Variants in SPECC1L observed in about 807,000 individuals in gnomAD.
SPECC1L encodes cytospin-A.
SPECC1L carries 40 observed loss-of-function variants against 116.8 expected under a neutral mutation model. The ratio of observed to expected loss-of-function variants is 0.34; its 90% CI spans 0.27 to 0.45. The LOEUF is 0.45. SPECC1L is among the 20% of genes least tolerant of loss of function. SPECC1L has a pLI of 1.00. For missense variants in SPECC1L, 1,110 were observed against 1,373.6 expected, an observed-to-expected ratio of 0.81 and a Z score of 3.03; for synonymous variants, 504 against 500.6, an observed-to-expected ratio of 1.01 and a Z score of -0.09.
chr22:24,293,314 G>A (rs1420731056), intron 2 of SPECC1L, among the ~76,000 whole-genome samples: 3 of 152,048 alleles, frequency 2.0e-5, no homozygotes, highest in Admixed American at 6.6e-5. Flanking sequence ...TTAACGGGGC[G>A]TGGTGGTACG....
chr22:24,398,814 G>T (rs1048067463), intron 14 of SPECC1L, among the ~76,000 whole-genome samples: 16 of 152,194 alleles, frequency 1.1e-4, no homozygotes, highest in Non-Finnish European at 2.1e-4. Flanking sequence ...GCTTTTGGGG[G>T]TTAGGATGAG....
At chr22:24,274,904 T>C (rs1377395378) in intron 1 of SPECC1L, among the ~76,000 whole-genome samples, 1 of 152,234 alleles carries the variant, frequency 6.6e-6, no homozygotes, top group Non-Finnish European at 1.5e-5. Flanking sequence ...CCTTGAAATC[T>C]CTGCAGTCTC....
rs1196963111 is a variant in SPECC1L, at chr22:24,399,217, C to T, written c.3088-12371C>T. Among the ~76,000 whole-genome samples the T allele has an allele frequency of 2.6e-5, 4 of 152,218 alleles. No individual in the cohort carries two copies. The East Asian group carries it at 7.7e-4, about 29-fold the overall frequency. On this transcript the variant is annotated intron_variant, in intron 14 of 16. Coordinates refer to ENST00000314328, the MANE Select transcript of SPECC1L (RefSeq NM_015330.6). ...CATTAATCCCTAGCTCTTAGGGTGA[C>T]ATTGGCTGACCAATTATTTTATTCT... is the stretch of plus-strand genomic sequence containing the variant.
At chr22:24,316,032 G>A (rs1261202803) in intron 4 of SPECC1L, among the ~76,000 whole-genome samples, 1 of 152,156 alleles carries the variant, frequency 6.6e-6, no homozygotes, top group Non-Finnish European at 1.5e-5. Context: ...TTGAGGTTTT[G>A]GGGTTAGGGC....
chr22:24,309,771 G>A (rs748246420), intron 3 of SPECC1L, among the ~76,000 whole-genome samples: 6 of 152,266 alleles, frequency 3.9e-5, no homozygotes, highest in Admixed American at 2.6e-4. Flanking sequence ...TACTACCGTG[G>A]TGAAAAAATA....
chr22:24,367,543 C>T (rs544235417), intron 13 of SPECC1L, among the ~76,000 whole-genome samples: 13 of 152,094 alleles, frequency 8.5e-5, no homozygotes, highest in African/African-American at 2.7e-4. Context: ...AAAGATTGGA[C>T]GTCCCTGCTT....
At chr22:24,395,884 A>G (rs888198599) in intron 14 of SPECC1L, among the ~76,000 whole-genome samples, 2 of 152,170 alleles carry the variant, frequency 1.3e-5, no homozygotes, top group Admixed American at 6.6e-5. Flanking sequence ...CAAGCAGTCT[A>G]TAGTTTGAGA....
chr22:24,360,304 G>T (rs1233200605), intron 11 of SPECC1L, among the ~76,000 whole-genome samples: 1 of 152,228 alleles, frequency 6.6e-6, no homozygotes, highest in Non-Finnish European at 1.5e-5. Context: ...GGGCAGATTT[G>T]ATTCTCACAG....
chr22:24,349,331 C>T lies in SPECC1L; in HGVS notation c.2743+2155C>T, dbSNP rs184081507. 3.0e-3 allele frequency among the ~76,000 whole-genome samples: 453 copies of T among 152,304 alleles called. 1 individual carries two copies. Among genetic ancestry groups the T allele is most frequent in the African/African-American group, 0.011 (438 of 41,572 alleles). On this transcript the variant is annotated intron_variant, in intron 11 of 16. Coordinates refer to ENST00000314328, the MANE Select transcript of SPECC1L (RefSeq NM_015330.6). The stretch of plus-strand genomic sequence containing the variant: ...TGCTGGGATTACAGGCATGAGCCAC[C>T]GCACCCGGCCTGGCTTTTCTCTTCT...
rs200482462 is a variant in SPECC1L, at chr22:24,414,696, C to T, written c.*73C>T. ...GACCGAGCGACACCGACGCCATTAG[C>T]TACGCACCCCTGTAAAGCTTCCAGC... On this transcript the variant is annotated 3_prime_UTR_variant, in exon 17 of 17. Transcript: ENST00000314328. 6.8e-5 allele frequency: 88 copies of T among 1,296,572 alleles called. No individual in the cohort carries two copies. The highest frequency in any genetic ancestry group is 8.8e-5 in the Non-Finnish European group (79 of 902,624). The allele number at this position is 1,296,572 out of a possible 1,614,324, so 80.3% of individuals were successfully genotyped here. A position where few individuals can be genotyped will look rare whatever the true frequency, so the allele number is the denominator to read the frequency against.
At chr22:24,320,510 G>A (rs563186908) in intron 4 of SPECC1L, among the ~76,000 whole-genome samples, 2 of 152,144 alleles carry the variant, frequency 1.3e-5, no homozygotes, top group South Asian at 4.1e-4. Flanking sequence ...AGACTGCCTG[G>A]GTTTCAATTT....
chr22:24,365,758 G>A (rs960319213), intron 13 of SPECC1L, 126 bp downstream of exon 13: 19 of 1,070,058 alleles, frequency 1.8e-5, no homozygotes, highest in African/African-American at 1.6e-4. Flanking sequence ...TGTTGTTTGC[G>A]AATCTTTCTT....
At chr22:24,365,700 A>G in intron 13 of SPECC1L, 68 bp downstream of exon 13, 1 of 1,566,776 alleles carries the variant, frequency 6.4e-7, no homozygotes, top group Non-Finnish European at 8.8e-7. Flanking sequence ...TAAATGATCA[A>G]GTTGTAAAAT....
chr22:24,375,304 T>C (rs1006997960), intron 14 of SPECC1L, among the ~76,000 whole-genome samples: 1 of 152,242 alleles, frequency 6.6e-6, no homozygotes, highest in South Asian at 2.1e-4. Flanking sequence ...AAAGAAAATA[T>C]TACTTCCTAA....
At chr22:24,408,873 G>T (rs1411551401) in intron 14 of SPECC1L, among the ~76,000 whole-genome samples, 1 of 152,248 alleles carries the variant, frequency 6.6e-6, no homozygotes, top group African/African-American at 2.4e-5. Context: ...GATCCTCCAC[G>T]TGGTCTGCTG....
chr22:24,287,895 T>G (rs2049072672), intron 2 of SPECC1L, among the ~76,000 whole-genome samples: 1 of 152,110 alleles, frequency 6.6e-6, no homozygotes, highest in South Asian at 2.1e-4. Context: ...ACCATCCATT[T>G]GGGGTTGTCA....
chr22:24,409,837 C>T (rs1001923426), intron 14 of SPECC1L, among the ~76,000 whole-genome samples: 29 of 152,008 alleles, frequency 1.9e-4, no homozygotes, highest in African/African-American at 4.3e-4. Context: ...CCAGCCTGGG[C>T]GACATAGCGA....
chr22:24,339,522 GTGCATTT>G (rs1418048223), intron 10 of SPECC1L, among the ~76,000 whole-genome samples: 1 of 152,244 alleles, frequency 6.6e-6, no homozygotes, highest in African/African-American at 2.4e-5. Flanking sequence ...GCCGCTCATT[GTGCATTT>G]TATTCAGCCG....
intron 2 of SPECC1L, among the ~76,000 whole-genome samples, chr22:24,287,464 G>A (rs1450260216): frequency 6.6e-6 from 1 of 152,156 alleles, no homozygotes; most frequent in Non-Finnish European, 1.5e-5. Flanking sequence ...AGACAGGCTG[G>A]CATAGGATTG....
Sources: gnomAD v4.1 joint callset for allele counts (sites outside exome capture counted in the v4.1 genomes callset) on GRCh38, gnomAD v4.1.1 for gene constraint, MANE v1.5 for transcripts, NCBI Gene and HGNC (gene_info 2026-07-23, HGNC 2026-07-21) for gene names.